ZNF536: variants seen among roughly 807,000 people sequenced by gnomAD.
ZNF536 encodes zinc finger protein 536.
Under a neutral mutation model 84.5 loss-of-function variants are expected in ZNF536, and 13 were observed. The observed-to-expected ratio is 0.15, with a 90% CI of 0.10 to 0.24. The LOEUF (loss-of-function observed/expected upper bound fraction) is 0.24, where lower values mean the gene tolerates loss of function less well. ZNF536 is among the 10% of genes least tolerant of loss of function. The pLI is 1.00. For missense variants in ZNF536, 1,536 were observed against 1,747.5 expected (o/e 0.88, Z 2.16); for synonymous variants, 811 against 742.5 (o/e 1.09, Z -1.50).
chr19:30,367,214 G>T (rs1260263492), intron 3 of ZNF536, among the ~76,000 whole-genome samples: 1 of 152,174 alleles, frequency 6.6e-6, no homozygotes, highest in African/African-American at 2.4e-5. Context: ...GGGACGTTCC[G>T]TGCTGTTCCC....
intron 4 of ZNF536, among the ~76,000 whole-genome samples, chr19:30,552,956 C>T (rs533830077): frequency 5.9e-5 from 9 of 152,308 alleles, no homozygotes; most frequent in Admixed American, 5.9e-4. Flanking sequence ...CACAGTGGGT[C>T]AGATCCCACT....
chr19:30,332,434 G>T (rs575088989), intron 2 of ZNF536, among the ~76,000 whole-genome samples: 4 of 152,042 alleles, frequency 2.6e-5, no homozygotes, highest in African/African-American at 9.7e-5. Flanking sequence ...CTCAGTGGGC[G>T]TCCAGGCATC....
chr19:30,645,241 G>T (rs983686879), intron 1 of ZNF536, among the ~76,000 whole-genome samples: 12 of 151,904 alleles, frequency 7.9e-5, no homozygotes, highest in African/African-American at 1.9e-4. Flanking sequence ...TAAATTTGTT[G>T]GAGTTCATTG....
At chr19:30,468,974 G>T (rs550781191) in intron 2 of ZNF536, among the ~76,000 whole-genome samples, 1 of 152,186 alleles carries the variant, frequency 6.6e-6, no homozygotes, top group East Asian at 1.9e-4. Context: ...CAGGCCTCCT[G>T]GGGCTTTCTC....
intron 1 of ZNF536, among the ~76,000 whole-genome samples, chr19:30,277,561 T>C (rs763339004): frequency 4.6e-4 from 70 of 152,336 alleles, no homozygotes; most frequent in African/African-American, 1.7e-3. Context: ...CTCTGTGTTA[T>C]AATATTTCAG....
At chr19:30,375,629 G>T (rs1011945638) in intron 1 of ZNF536, among the ~76,000 whole-genome samples, 18 of 152,234 alleles carry the variant, frequency 1.2e-4, no homozygotes, top group Non-Finnish European at 2.1e-4. Context: ...GCAGGTGTCC[G>T]CTTGTGCGCA....
chr19:30,497,788 G>GGT (rs139282122), intron 2 of ZNF536, among the ~76,000 whole-genome samples: 6 of 151,792 alleles, frequency 4.0e-5, no homozygotes, highest in African/African-American at 7.3e-5. Flanking sequence ...GTGAACGTGG[G>GGT]GTGTGTGTGT....
At chr19:30,390,043 G>A (rs1349923116) in intron 1 of ZNF536, among the ~76,000 whole-genome samples, 1 of 152,168 alleles carries the variant, frequency 6.6e-6, no homozygotes, top group Non-Finnish European at 1.5e-5. Context: ...TTCAATGGGG[G>A]ACCTCAGAGG....
intron 1 of ZNF536, among the ~76,000 whole-genome samples, chr19:30,630,187 G>A (rs965691194): frequency 3.3e-5 from 5 of 152,192 alleles, no homozygotes; most frequent in South Asian, 2.1e-4. Context: ...AGGTTGAATC[G>A]GGGCATTCTT....
chr19:30,464,482 G>T (rs1474357845), intron 2 of ZNF536, among the ~76,000 whole-genome samples: 3 of 152,064 alleles, frequency 2.0e-5, no homozygotes, highest in Non-Finnish European at 4.4e-5. Context: ...AGGTCAGAAA[G>T]AACAAATTTC....
At chr19:30,456,381 C>T (rs541285234) in intron 2 of ZNF536, among the ~76,000 whole-genome samples, 139 of 142,690 alleles carry the variant, frequency 9.7e-4, no homozygotes, top group East Asian at 3.4e-3. Context: ...GTGACCTCAT[C>T]GATCATTCTG....
At chr19:30,412,708 CT>C (rs1050715807) in intron 1 of ZNF536, among the ~76,000 whole-genome samples, 3 of 151,558 alleles carry the variant, frequency 2.0e-5, no homozygotes, top group Non-Finnish European at 4.4e-5. Flanking sequence ...TCCCTTCTTT[CT>C]TTTTGTCTTA....
At chr19:30,351,485 GA>G (rs1368230943) in intron 2 of ZNF536, among the ~76,000 whole-genome samples, 1 of 152,202 alleles carries the variant, frequency 6.6e-6, no homozygotes, top group Non-Finnish European at 1.5e-5. Flanking sequence ...ATATGTTAAT[GA>G]TGCCTCTTTT....
chr19:30,432,335 G>A (rs1043763895), intron 1 of ZNF536, among the ~76,000 whole-genome samples: 2 of 152,058 alleles, frequency 1.3e-5, no homozygotes, highest in African/African-American at 4.8e-5. Flanking sequence ...CTTTCCATAG[G>A]GTGGGATTCT....
At chr19:30,563,034 T>C (rs2046227947), downstream of ZNF536, among the ~76,000 whole-genome samples, 1 of 152,186 alleles carries the variant, frequency 6.6e-6, no homozygotes, top group South Asian at 2.1e-4. Flanking sequence ...GAGAATAAAG[T>C]GAATATGAAG....
chr19:30,484,138 T>C (rs2054199428), intron 2 of ZNF536, among the ~76,000 whole-genome samples: 1 of 151,906 alleles, frequency 6.6e-6, no homozygotes, highest in African/African-American at 2.4e-5. Context: ...CCTGACCACC[T>C]GGACACACTC....
At chr19:30,440,656 T>C (rs1008742367) in intron 1 of ZNF536, among the ~76,000 whole-genome samples, 1 of 152,122 alleles carries the variant, frequency 6.6e-6, no homozygotes, top group Non-Finnish European at 1.5e-5. Flanking sequence ...GAAAGTAACA[T>C]GTTGGGACAG....
chr19:30,637,853 A>G (rs1221759912), intron 1 of ZNF536, among the ~76,000 whole-genome samples: 1 of 152,096 alleles, frequency 6.6e-6, no homozygotes, highest in Non-Finnish European at 1.5e-5. Flanking sequence ...TCTTTTTTTT[A>G]TAGCAAGGGT....
At position 30,614,942 on chromosome 19, in the gene ZNF536, ATTTTT is replaced by A. The variant is rs555419932; in HGVS notation, c.169+65446_169+65450del. 1.2e-3 allele frequency among the ~76,000 whole-genome samples: 38 copies of A among 32,310 alleles called. 4 individuals are homozygous for A. Among genetic ancestry groups the A allele is most frequent in the African/African-American group, 2.5e-3 (20 of 8,046 alleles). The allele number at this position is 32,310 out of a possible 152,430, so 21.2% of individuals were successfully genotyped here. A position where few individuals can be genotyped will look rare whatever the true frequency, so the allele number is the denominator to read the frequency against. ...TTTTCTTTTATTCTCCCCCTTTTCA[ATTTTT>A]TTTTTTTTTTTTTTTTTGAGGCGGA... On this transcript the variant is annotated intron_variant, in intron 1 of 1. Transcript: ENST00000592773.
Sources: allele counts gnomAD v4.1 joint callset (sites outside exome capture counted in the v4.1 genomes callset), GRCh38; gene constraint gnomAD v4.1.1; transcripts MANE v1.5; gene names NCBI Gene and HGNC (gene_info 2026-07-23, HGNC 2026-07-21).